Variants in PDE3B observed in about 807,000 individuals in gnomAD.
PDE3B encodes the protein phosphodiesterase 3B, also known as cGMP-inhibited 3',5'-cyclic phosphodiesterase 3B.
In PDE3B, 66 loss-of-function variants were observed where a neutral mutation model predicts 116.8. The observed-to-expected ratio is 0.56, with a 90% CI of 0.46 to 0.69. The LOEUF (loss-of-function observed/expected upper bound fraction) is 0.69. PDE3B is among the 30% of genes least tolerant of loss of function. The probability of loss-of-function intolerance (pLI) is 0.00; values close to 1 mark genes in which losing one functional copy is unlikely to be tolerated. For missense variants in PDE3B, 1,384 were observed against 1,368.1 expected, an observed-to-expected ratio of 1.01 and a Z score of -0.18; for synonymous variants, 595 against 533.6, an observed-to-expected ratio of 1.12 and a Z score of -1.59.
chr11:14,687,627 T>C (rs1264941805), intron 1 of PDE3B, among the ~76,000 whole-genome samples: 3 of 152,168 alleles, frequency 2.0e-5, no homozygotes, highest in African/African-American at 7.2e-5. Flanking sequence ...AGATGGCAAG[T>C]TCCCAGGGGA....
At chr11:14,746,395 A>G (rs1445105246) in intron 1 of PDE3B, among the ~76,000 whole-genome samples, 1 of 152,162 alleles carries the variant, frequency 6.6e-6, no homozygotes, top group East Asian at 1.9e-4. Context: ...AAAATAAAAT[A>G]AAATAAAAAA....
chr11:14,747,941 T>G (rs1050911870), intron 1 of PDE3B, among the ~76,000 whole-genome samples: 10 of 152,174 alleles, frequency 6.6e-5, no homozygotes, highest in Admixed American at 6.5e-4. Flanking sequence ...ACTTACCACA[T>G]ACGTAATGAC....
intron 1 of PDE3B, among the ~76,000 whole-genome samples, chr11:14,645,284 C>CA (rs1565070231): frequency 6.7e-6 from 1 of 148,472 alleles, no homozygotes; most frequent in African/African-American, 2.5e-5. Flanking sequence ...GAATAGAAAT[C>CA]AAATAGCCCG....
At chr11:14,714,664 C>T (rs1855823995) in intron 1 of PDE3B, among the ~76,000 whole-genome samples, 2 of 152,052 alleles carry the variant, frequency 1.3e-5, no homozygotes, top group African/African-American at 2.4e-5. Context: ...TGTGGAATGG[C>T]AGTACTGTTT....
intron 1 of PDE3B, among the ~76,000 whole-genome samples, chr11:14,696,182 C>G: frequency 6.6e-6 from 1 of 152,130 alleles, no homozygotes; most frequent in Non-Finnish European, 1.5e-5. Flanking sequence ...TGTTTCTTGA[C>G]TTTTTAAATA....
At chr11:14,825,216 A>G (rs985819731) in intron 7 of PDE3B, among the ~76,000 whole-genome samples, 2 of 152,224 alleles carry the variant, frequency 1.3e-5, no homozygotes. Flanking sequence ...CCAGTGATGT[A>G]AAGCTACCAC....
chr11:14,844,073 C>T (rs1847533257), intron 12 of PDE3B, 47 bp downstream of exon 12: 3 of 1,415,070 alleles, frequency 2.1e-6, no homozygotes, highest in Non-Finnish European at 3.0e-6. Flanking sequence ...CTGAAATTTT[C>T]AGTCATGCTG....
chr11:14,647,462 T>C (rs1590027331), intron 1 of PDE3B, among the ~76,000 whole-genome samples: 1 of 152,026 alleles, frequency 6.6e-6, no homozygotes, highest in East Asian at 1.9e-4. Context: ...TAAAATTAAA[T>C]TCTTTTAGTT....
chr11:14,846,737 CAA>C (rs1847612622), intron 12 of PDE3B, among the ~76,000 whole-genome samples: 1 of 151,962 alleles, frequency 6.6e-6, no homozygotes, highest in Admixed American at 6.6e-5. Context: ...TCAAAAGAGA[CAA>C]AGAAGGCCAT....
chr11:14,769,204 A>G (rs1284134853), intron 1 of PDE3B, among the ~76,000 whole-genome samples: 1 of 151,446 alleles, frequency 6.6e-6, no homozygotes, highest in East Asian at 1.9e-4. Flanking sequence ...GAGTGAATTT[A>G]TTGAGGGAGA....
At chr11:14,749,095 C>T (rs1021801816) in intron 1 of PDE3B, among the ~76,000 whole-genome samples, 1 of 152,056 alleles carries the variant, frequency 6.6e-6, no homozygotes, top group Non-Finnish European at 1.5e-5. Context: ...TGCCATGTTG[C>T]TCAGGCTGGT....
intron 5 of PDE3B, among the ~76,000 whole-genome samples, chr11:14,816,891 G>A (rs1859348295): frequency 6.6e-6 from 1 of 152,142 alleles, no homozygotes; most frequent in African/African-American, 2.4e-5. Context: ...ATTCCTCAAG[G>A]ATCTAGAACT....
intron 1 of PDE3B, among the ~76,000 whole-genome samples, chr11:14,666,085 A>C (rs1255126097): frequency 6.6e-6 from 1 of 151,618 alleles, no homozygotes; most frequent in African/African-American, 2.4e-5. Flanking sequence ...CAAAACAGAG[A>C]TATAGATCAA....
chr11:14,731,210 T>G (rs1856447091), intron 1 of PDE3B, among the ~76,000 whole-genome samples: 1 of 152,004 alleles, frequency 6.6e-6, no homozygotes, highest in Non-Finnish European at 1.5e-5. Flanking sequence ...GTTATACCCT[T>G]CCACCATCAT....
At chr11:14,706,621 A>G (rs1318966416) in intron 1 of PDE3B, among the ~76,000 whole-genome samples, 1 of 151,994 alleles carries the variant, frequency 6.6e-6, no homozygotes. Flanking sequence ...ATGTGTTACT[A>G]AGCAATATAA....
the PDE3B span, among the ~76,000 whole-genome samples, chr11:14,883,939 A>C: frequency 1.3e-5 from 2 of 152,076 alleles, no homozygotes; most frequent in African/African-American, 4.8e-5. Flanking sequence ...AATGCTCACC[A>C]TCACTGGCCA....
At chr11:14,736,638 G>A (rs990055942) in intron 1 of PDE3B, among the ~76,000 whole-genome samples, 1 of 152,110 alleles carries the variant, frequency 6.6e-6, no homozygotes. Flanking sequence ...TTGTCCTAGG[G>A]TATTGAGATA....
intron 3 of PDE3B, among the ~76,000 whole-genome samples, chr11:14,787,674 C>A (rs1858254271): frequency 6.6e-6 from 1 of 151,792 alleles, no homozygotes; most frequent in Non-Finnish European, 1.5e-5. Flanking sequence ...TATGCAGTAG[C>A]ACCTACATTA....
chr11:14,880,893 A>G, the PDE3B span: 2 of 875,064 alleles, frequency 2.3e-6, no homozygotes, highest in Non-Finnish European at 3.4e-6. Context: ...ATATAACTAC[A>G]TGGTTGGGTC....
Sources: allele counts gnomAD v4.1 joint callset (sites outside exome capture counted in the v4.1 genomes callset), GRCh38; gene constraint gnomAD v4.1.1; transcripts MANE v1.5; gene names NCBI Gene and HGNC (gene_info 2026-07-23, HGNC 2026-07-21).